The following PLGRKT variants were observed in gnomAD, a reference collection of about 807,000 sequenced individuals.
PLGRKT encodes plasminogen receptor with a C-terminal lysine.
Under a neutral mutation model 18.5 loss-of-function variants are expected in PLGRKT, and 22 were observed. The ratio of observed to expected loss-of-function variants is 1.19; its 90% CI spans 0.85 to 1.70. The LOEUF (loss-of-function observed/expected upper bound fraction) is 1.70, where lower values mean the gene tolerates loss of function less well. Among genes scored for constraint, PLGRKT ranks in the 40% most tolerant of loss-of-function variants. PLGRKT has a pLI of 0.00. For missense variants in PLGRKT, 235 were observed against 174.4 expected, an observed-to-expected ratio of 1.35 and a Z score of -1.96; for synonymous variants, 72 against 52.8, an observed-to-expected ratio of 1.36 and a Z score of -1.58.
At position 5,418,913 on chromosome 9, in the gene PLGRKT, C is replaced by A. The variant is rs1414749995; in HGVS notation, c.81+12984G>T. On this transcript the variant is annotated intron_variant, in intron 3 of 5. Coordinates refer to ENST00000223864, the MANE Select transcript of PLGRKT (RefSeq NM_018465.4). This position sits in a 1 kb window ranked among gnomAD's most constrained non-coding sequence, Gnocchi z 4.2. ...TTGCAATCCAGCAACTTGGCCTTCA[C>A]TAGGGGCTGCAGTAATTAAAACAGA... is the stretch of plus-strand genomic sequence containing the variant. 7 of 863,542 alleles carry A rather than the reference C, an allele frequency of 8.1e-6. No individual in the cohort carries two copies. Among genetic ancestry groups the A allele is most frequent in the Non-Finnish European group, 1.3e-5 (7 of 528,292 alleles). 53.5% of individuals were successfully genotyped at this position (863,542 alleles called of 1,614,324 possible).
At chr9:5,403,302 C>T (rs1818192352) in intron 3 of PLGRKT, among the ~76,000 whole-genome samples, 1 of 150,294 alleles carries the variant, frequency 6.7e-6, no homozygotes, top group Non-Finnish European at 1.5e-5. Context: ...CCGCTCACTG[C>T]AACCTCTGCC....
At chr9:5,373,789 AG>A (rs1228208109) in intron 3 of PLGRKT, among the ~76,000 whole-genome samples, 444 of 152,104 alleles carry the variant, frequency 2.9e-3, no homozygotes, top group African/African-American at 9.8e-3. Flanking sequence ...AAAAAGAAAA[AG>A]AAGAAAAAAA....
chr9:5,404,555 AC>A (rs1818219902), intron 3 of PLGRKT, among the ~76,000 whole-genome samples: 1 of 152,202 alleles, frequency 6.6e-6, no homozygotes, highest in Admixed American at 6.5e-5. Flanking sequence ...GATGCAAAAA[AC>A]ACCTTTGATA....
At chr9:5,383,034 G>A (rs898919857) in intron 3 of PLGRKT, among the ~76,000 whole-genome samples, 1 of 152,308 alleles carries the variant, frequency 6.6e-6, no homozygotes, top group African/African-American at 2.4e-5. Flanking sequence ...ATATTAAGAT[G>A]AGATCACTTT....
intron 3 of PLGRKT, among the ~76,000 whole-genome samples, chr9:5,425,191 G>A (rs773096169): frequency 6.6e-6 from 1 of 152,090 alleles, no homozygotes; most frequent in Non-Finnish European, 1.5e-5. Flanking sequence ...TGCTTTTCCA[G>A]CCACTCAGGT....
At chr9:5,375,863 G>T (rs753107496) in intron 3 of PLGRKT, among the ~76,000 whole-genome samples, 1 of 152,174 alleles carries the variant, frequency 6.6e-6, no homozygotes, top group Non-Finnish European at 1.5e-5. Flanking sequence ...ATACCCAAAA[G>T]CAATGAAAGC....
intron 3 of PLGRKT, among the ~76,000 whole-genome samples, chr9:5,424,440 A>ATATAT (rs201859266): frequency 8.9e-6 from 1 of 112,252 alleles, no homozygotes; most frequent in Non-Finnish European, 1.8e-5. Context: ...ATATTATAAA[A>ATATAT]TATATTATAT....
intron 5 of PLGRKT, among the ~76,000 whole-genome samples, chr9:5,359,491 T>C (rs990134671): frequency 1.3e-5 from 2 of 152,196 alleles, no homozygotes; most frequent in African/African-American, 4.8e-5. Flanking sequence ...CATTATAAAA[T>C]TATATGTAAT....
chr9:5,418,298 A>C lies in PLGRKT; in HGVS notation c.81+13599T>G. On this transcript the variant is annotated intron_variant, in intron 3 of 5. Coordinates refer to ENST00000223864, the MANE Select transcript of PLGRKT (RefSeq NM_018465.4). This position sits in a 1 kb window ranked among gnomAD's most constrained non-coding sequence, Gnocchi z 4.2. ...GTCAGTGTCGCCCCCTCATCTTCTC[A>C]CTGGGATCTCATCACCAATGTGCTC... 1.9e-6 allele frequency: 1 copy of C among 515,766 alleles called. No individual in the cohort carries two copies. Among genetic ancestry groups the C allele is most frequent in the Admixed American group, 2.6e-5 (1 of 38,946 alleles). 31.9% of individuals were successfully genotyped at this position (515,766 alleles called of 1,614,324 possible).
rs556327949 is a variant in PLGRKT at position 5,434,371 on chromosome 9, C to A, written c.-7+2198G>T. Reference sequence around the variant, plus strand: ...GTGAGGAGCACCTCTGCCCGGCCGCCCCATTTGGGAGGTGAGGGGCGTCTC... The same window carrying A: ...GTGAGGAGCACCTCTGCCCGGCCGCACCATTTGGGAGGTGAGGGGCGTCTC... On this transcript the variant is annotated intron_variant, in intron 2 of 5. Transcript: ENST00000223864. 5.5e-5 allele frequency among the ~76,000 whole-genome samples: 8 copies of A among 144,666 alleles called. No homozygotes were observed. The South Asian group carries it at 1.7e-3, about 32-fold the overall frequency. The allele number at this position is 144,666 out of a possible 152,430, so 94.9% of individuals were successfully genotyped here. A position where few individuals can be genotyped will look rare whatever the true frequency, so the allele number is the denominator to read the frequency against.
intron 3 of PLGRKT, among the ~76,000 whole-genome samples, chr9:5,394,887 TG>T (rs1190776378): frequency 6.6e-6 from 1 of 151,830 alleles, no homozygotes. Flanking sequence ...CAGCCAGCCA[TG>T]GTGAAGCTGA....
At chr9:5,366,520 C>T (rs1817390601) in intron 3 of PLGRKT, among the ~76,000 whole-genome samples, 1 of 152,118 alleles carries the variant, frequency 6.6e-6, no homozygotes, top group Non-Finnish European at 1.5e-5. Flanking sequence ...GCTAGTTTAA[C>T]AATTAGAGAA....
At chr9:5,365,736 G>C (rs1563766262) in intron 3 of PLGRKT, among the ~76,000 whole-genome samples, 1 of 152,154 alleles carries the variant, frequency 6.6e-6, no homozygotes, top group Admixed American at 6.6e-5. Context: ...CATGGTAATG[G>C]TAAGATGTTA....
At chr9:5,386,903 A>G (rs1312212921) in intron 3 of PLGRKT, among the ~76,000 whole-genome samples, 1 of 151,924 alleles carries the variant, frequency 6.6e-6, no homozygotes, top group Non-Finnish European at 1.5e-5. Context: ...CAACCCCTCA[A>G]CTATGAAATG....
Position 5,358,227 on chromosome 9 carries a change from G to C in PLGRKT, c.*12C>G. The C allele has an allele frequency of 6.2e-7, 1 of 1,600,680 alleles. No homozygotes were observed. The highest frequency in any genetic ancestry group is 1.1e-5 in the South Asian group (1 of 89,740). The stretch of plus-strand genomic sequence containing the variant: ...AATTCTGTGCTTTGAGATTTGATTG[G>C]TAAGCATGATTTCATTTGTCTATGA... On this transcript the variant is annotated 3_prime_UTR_variant, in exon 6 of 6. Transcript: ENST00000223864.
intron 2 of PLGRKT, among the ~76,000 whole-genome samples, chr9:5,434,701 T>C (rs1441193562): frequency 1.3e-5 from 2 of 149,466 alleles, no homozygotes; most frequent in Non-Finnish European, 3.0e-5. Flanking sequence ...GAGGTGTGCC[T>C]CTGCCTGGCC....
intron 3 of PLGRKT, among the ~76,000 whole-genome samples, chr9:5,367,192 C>T (rs1385128179): frequency 2.6e-5 from 4 of 151,988 alleles, no homozygotes; most frequent in African/African-American, 9.7e-5. Flanking sequence ...AGATTAAGTG[C>T]TATTCCTATC....
intron 3 of PLGRKT, among the ~76,000 whole-genome samples, chr9:5,393,273 T>C (rs1319713959): frequency 6.6e-6 from 1 of 151,918 alleles, no homozygotes; most frequent in African/African-American, 2.4e-5. Flanking sequence ...ATGTACACAA[T>C]AACAAGAAAT....
chr9:5,406,510 C>G (rs1249802161), intron 3 of PLGRKT, among the ~76,000 whole-genome samples: 2 of 149,064 alleles, frequency 1.3e-5, no homozygotes, highest in African/African-American at 5.0e-5. Context: ...AACGCAGGAA[C>G]AGAAAACCAA....
Sources: gnomAD v4.1 joint callset for allele counts (sites outside exome capture counted in the v4.1 genomes callset) on GRCh38, gnomAD v4.1.1 for gene constraint, Gnocchi (gnomAD v3.1) non-coding constraint, MANE v1.5 for transcripts, NCBI Gene and HGNC (gene_info 2026-07-23, HGNC 2026-07-21) for gene names.